The following UHRF1 variants were observed in gnomAD, a reference collection of about 807,000 sequenced individuals.
The protein encoded by UHRF1 is E3 ubiquitin-protein ligase UHRF1.
A neutral mutation model predicts 96.5 loss-of-function variants in UHRF1; 9 were observed. The observed-to-expected ratio is 0.09, with a 90% CI of 0.06 to 0.16. The LOEUF (loss-of-function observed/expected upper bound fraction) is 0.16, where lower values mean the gene tolerates loss of function less well. Ranked by LOEUF, UHRF1 falls within the 10% of genes least tolerant of loss-of-function variation. The probability of loss-of-function intolerance (pLI) is 1.00; values close to 1 mark genes in which losing one functional copy is unlikely to be tolerated. For synonymous variants in UHRF1, 455 were observed against 469.9 expected (o/e 0.97, Z 0.41); for missense variants, 626 against 1,131.1 (o/e 0.55, Z 6.40).
chr19:4,903,121 G>T, exon 1 of UHRF1: 2 of 366,634 alleles, frequency 5.5e-6, no homozygotes, highest in Non-Finnish European at 1.0e-5. Flanking sequence ...CCGCCTCATG[G>T]GTTCAAGCAA....
intron 11 of UHRF1, among the ~76,000 whole-genome samples, chr19:4,950,214 T>C (rs1474073898): frequency 6.6e-6 from 1 of 151,714 alleles, no homozygotes; most frequent in Non-Finnish European, 1.5e-5. Context: ...GCCTATTTTA[T>C]AAATTATACA....
intron 2 of UHRF1, among the ~76,000 whole-genome samples, chr19:4,915,566 A>G (rs938069138): frequency 1.3e-5 from 2 of 152,062 alleles, no homozygotes; most frequent in Non-Finnish European, 2.9e-5. Context: ...TACAAAAATT[A>G]GCCAGACGTG....
chr19:4,905,822 T>G (rs1263058209), upstream of UHRF1, among the ~76,000 whole-genome samples: 1 of 152,096 alleles, frequency 6.6e-6, no homozygotes, highest in East Asian at 1.9e-4. Context: ...CGGCCAGTGT[T>G]AGTGTATTTT....
chr19:4,954,549 G>C lies in UHRF1; in HGVS notation c.1957+61G>C, dbSNP rs952995792. 1 of 1,583,454 alleles carries C rather than the reference G, an allele frequency of 6.3e-7. No individual in the cohort carries two copies. On this transcript the variant is annotated intron_variant, in intron 14 of 16. Transcript: ENST00000650932. The surrounding 1 kb of genome is among the most constrained non-coding windows in gnomAD (Gnocchi z 5.9). ...GTGTGGGGGAGCAGGTGGGCATCTCGCGGGTGTGGGGTTGAGGTCGTGTGG... is the reference window on the plus strand; with the variant it reads ...GTGTGGGGGAGCAGGTGGGCATCTCCCGGGTGTGGGGTTGAGGTCGTGTGG...
intron 7 of UHRF1, among the ~76,000 whole-genome samples, chr19:4,943,495 G>GCCCCCC (rs368362097): frequency 1.2e-4 from 16 of 133,204 alleles, no homozygotes; most frequent in Admixed American, 2.3e-4. Flanking sequence ...TTGTTGCCCT[G>GCCCCCC]CCCCCCCTCC....
At chr19:4,905,165 G>A (rs1276670551), upstream of UHRF1, among the ~76,000 whole-genome samples, 1 of 139,258 alleles carries the variant, frequency 7.2e-6, no homozygotes, top group Non-Finnish European at 1.5e-5. Context: ...CGCCCAGGCT[G>A]GAGTGCAGTG....
At position 4,951,002 on chromosome 19, in the gene UHRF1, T is replaced by A. The variant is rs944161874; in HGVS notation, c.1818+6T>A. On this transcript the variant is annotated splice_donor_region_variant and intron_variant, in intron 13 of 16. Coordinates refer to ENST00000650932, the MANE Select transcript of UHRF1 (RefSeq NM_001048201.3). ...AGCTGGGGCTGACCATGCAGGTGTG[T>A]CTGGGATGGGGGATGGCACTTTGGG... The A allele has an allele frequency of 3.1e-6, 5 of 1,600,260 alleles. No homozygotes were observed. Among genetic ancestry groups the A allele is most frequent in the Non-Finnish European group, 3.4e-6 (4 of 1,174,628 alleles).
At position 4,945,926 on chromosome 19, in the gene UHRF1, G is replaced by A. The variant is rs374120623; in HGVS notation, c.1371G>A (p.Ala457=). The A allele has an allele frequency of 1.0e-4, 167 of 1,590,550 alleles. No homozygotes were observed. Among genetic ancestry groups the A allele is most frequent in the Admixed American group, 3.1e-4 (18 of 58,612 alleles). Reference sequence around the variant, plus strand: ...TACACGGCCGGAGCAACGACGGAGCGTACTCCCTAGTCCTGGCGGGGGGCT... The same window carrying A: ...TACACGGCCGGAGCAACGACGGAGCATACTCCCTAGTCCTGGCGGGGGGCT... ...AGIHGRSNDG[A]YSLVLAGGYE... is the part of the protein sequence containing the mutation. Residue 457 remains alanine, a synonymous_variant, in exon 10 of 17, where the codon GCG becomes GCA. Transcript: ENST00000650932.
intron 11 of UHRF1, among the ~76,000 whole-genome samples, chr19:4,948,967 CA>C (rs55757803): frequency 0.038 from 1,966 of 51,168 alleles, 44 homozygotes; most frequent in African/African-American, 0.11. Context: ...ACTAAGAATA[CA>C]AAAAAAAAAA....
rs71170880 is a variant in UHRF1 at position 4,938,730 on chromosome 19, G to GTTTTTTTTTTTTTTTTTTTTTTTTTTTTT, written c.786-2795_786-2767dup. Among the ~76,000 whole-genome samples, 11 of 61,588 alleles carry GTTTTTTTTTTTTTTTTTTTTTTTTTTTTT rather than the reference G, an allele frequency of 1.8e-4. 1 individual carries two copies. Among genetic ancestry groups the GTTTTTTTTTTTTTTTTTTTTTTTTTTTTT allele is most frequent in the Non-Finnish European group, 2.9e-4 (10 of 34,020 alleles). 40.4% of individuals were successfully genotyped at this position (61,588 alleles called of 152,430 possible). On this transcript the variant is annotated intron_variant, in intron 5 of 16. Transcript: ENST00000650932. ...GGCATAAGAGTTTTGTTTTGGTCAG[G>GTTTTTTTTTTTTTTTTTTTTTTTTTTTTT]TTTTTTTTTTTTTTTTTTTTTTTTT...
intron 2 of UHRF1, among the ~76,000 whole-genome samples, chr19:4,927,275 G>C (rs553941732): frequency 6.6e-6 from 1 of 150,466 alleles, no homozygotes; most frequent in Non-Finnish European, 1.5e-5. Context: ...AAGCTACTCA[G>C]GAGGCTGAGG....
intron 10 of UHRF1, 64 bp from the exon 11 acceptor site, chr19:4,947,041 A>C: frequency 1.6e-6 from 2 of 1,281,688 alleles, no homozygotes; most frequent in South Asian, 2.6e-5. Flanking sequence ...TTTGCTTTCA[A>C]TGCAGTCTCT....
At chr19:4,938,939 A>C (rs887696387) in intron 5 of UHRF1, among the ~76,000 whole-genome samples, 8 of 142,736 alleles carry the variant, frequency 5.6e-5, no homozygotes, top group African/African-American at 1.8e-4. Context: ...GATGAGACAA[A>C]GTCTCGCTCT....
At chr19:4,928,528 G>A (rs2032943089) in intron 2 of UHRF1, among the ~76,000 whole-genome samples, 1 of 152,194 alleles carries the variant, frequency 6.6e-6, no homozygotes, top group Non-Finnish European at 1.5e-5. Flanking sequence ...GGGGTTGAGC[G>A]CATCAGGATA....
intron 11 of UHRF1, among the ~76,000 whole-genome samples, chr19:4,950,384 C>T (rs1320474137): frequency 1.3e-5 from 2 of 151,836 alleles, no homozygotes; most frequent in Admixed American, 1.3e-4. Context: ...GCTGGAATTA[C>T]AGGCACGCGC....
intron 7 of UHRF1, among the ~76,000 whole-genome samples, chr19:4,943,408 T>G (rs2033465956): frequency 6.6e-6 from 1 of 151,320 alleles, no homozygotes; most frequent in African/African-American, 2.4e-5. Flanking sequence ...CGGATGTGGA[T>G]GGGGAGGTTG....
intron 5 of UHRF1, among the ~76,000 whole-genome samples, chr19:4,939,688 T>C (rs905127460): frequency 6.6e-6 from 1 of 152,098 alleles, no homozygotes; most frequent in African/African-American, 2.4e-5. Flanking sequence ...TGTGCTGTGC[T>C]TGAAATGTGG....
At chr19:4,942,691 C>T (rs1028896737) in intron 7 of UHRF1, among the ~76,000 whole-genome samples, 4 of 152,044 alleles carry the variant, frequency 2.6e-5, no homozygotes, top group African/African-American at 9.7e-5. Flanking sequence ...CTTAAGTGAT[C>T]TGCCTGCCTC....
intron 2 of UHRF1, among the ~76,000 whole-genome samples, chr19:4,927,772 T>C (rs2032920661): frequency 6.6e-6 from 1 of 151,902 alleles, no homozygotes; most frequent in Non-Finnish European, 1.5e-5. Context: ...CACGGTCCAG[T>C]GCCCAGAGGG....
Sources: allele counts gnomAD v4.1 joint callset (sites outside exome capture counted in the v4.1 genomes callset), GRCh38; gene constraint gnomAD v4.1.1; non-coding constraint Gnocchi (gnomAD v3.1); transcripts MANE v1.5; gene names NCBI Gene and HGNC (gene_info 2026-07-23, HGNC 2026-07-21).